Variants in RBFOX2 observed in about 807,000 individuals in gnomAD.
RBFOX2 encodes the protein RNA binding protein fox-1 homolog 2.
In RBFOX2, 10 loss-of-function variants were observed where a neutral mutation model predicts 49.1. That is an observed-to-expected ratio of 0.20 (90% CI 0.13 to 0.35). RBFOX2 has a LOEUF of 0.35. RBFOX2 is among the 10% of genes least tolerant of loss of function. RBFOX2 has a pLI of 1.00. For missense variants in RBFOX2, 323 were observed against 486.9 expected (o/e 0.66, Z 3.17); for synonymous variants, 183 against 187.4 (o/e 0.98, Z 0.19).
intron 1 of RBFOX2, among the ~76,000 whole-genome samples, chr22:35,836,873 C>T (rs1161906257): frequency 6.6e-6 from 1 of 152,184 alleles, no homozygotes; most frequent in Non-Finnish European, 1.5e-5. Context: ...GAATTTTACA[C>T]ATAGTACAAG....
chr22:35,932,442 CTATGT>C (rs764512978), intron 1 of RBFOX2, among the ~76,000 whole-genome samples: 19 of 152,298 alleles, frequency 1.2e-4, no homozygotes, highest in Non-Finnish European at 2.2e-4. Flanking sequence ...CTATAATTGT[CTATGT>C]TATATTTGTC....
intron 1 of RBFOX2, among the ~76,000 whole-genome samples, chr22:35,858,865 T>G (rs2042819550): frequency 6.6e-6 from 1 of 151,306 alleles, no homozygotes; most frequent in Non-Finnish European, 1.5e-5. Context: ...CTAAAACAGT[T>G]TATACAGTAT....
intron 1 of RBFOX2, among the ~76,000 whole-genome samples, chr22:36,016,401 C>T (rs1001255334): frequency 6.6e-6 from 1 of 152,132 alleles, no homozygotes; most frequent in Non-Finnish European, 1.5e-5. Context: ...GGCCACACCA[C>T]CCATCCCTCA....
intron 1 of RBFOX2, among the ~76,000 whole-genome samples, chr22:35,980,520 A>G (rs576792269): frequency 9.1e-4 from 139 of 152,306 alleles, no homozygotes; most frequent in African/African-American, 3.2e-3. Context: ...AATATCTACC[A>G]AAGCACAAAG....
chr22:35,861,513 G>A (rs1190891759), intron 1 of RBFOX2, among the ~76,000 whole-genome samples: 1 of 152,112 alleles, frequency 6.6e-6, no homozygotes, highest in Admixed American at 6.6e-5. Context: ...CTGATTAAAA[G>A]AAGATGGTAA....
intron 1 of RBFOX2, among the ~76,000 whole-genome samples, chr22:35,923,111 T>A (rs2051209377): frequency 6.6e-6 from 1 of 152,156 alleles, no homozygotes; most frequent in Non-Finnish European, 1.5e-5. Context: ...TGTGATAGAT[T>A]TCTGGCATGT....
intron 6 of RBFOX2, among the ~76,000 whole-genome samples, chr22:35,763,573 A>G (rs1334612769): frequency 4.6e-5 from 7 of 152,216 alleles, no homozygotes; most frequent in Admixed American, 6.5e-5. Context: ...ACAAAAACAA[A>G]AATCAATATA....
intron 1 of RBFOX2, among the ~76,000 whole-genome samples, chr22:35,815,462 T>C (rs1166480802): frequency 6.6e-6 from 1 of 152,216 alleles, no homozygotes; most frequent in Non-Finnish European, 1.5e-5. Context: ...GAAGGGTGTA[T>C]TTTTGTTTAT....
intron 1 of RBFOX2, among the ~76,000 whole-genome samples, chr22:35,967,603 A>C (rs566133383): frequency 1.3e-5 from 2 of 152,316 alleles, no homozygotes; most frequent in East Asian, 3.9e-4. Context: ...GTGAATACTA[A>C]CCTTAGCTAA....
chr22:35,788,299 G>A (rs753686678), intron 2 of RBFOX2, among the ~76,000 whole-genome samples: 7 of 152,098 alleles, frequency 4.6e-5, no homozygotes, highest in Non-Finnish European at 8.8e-5. Context: ...AAACACATAC[G>A]ACTCTGATAT....
At chr22:35,952,128 G>A (rs1402084546) in intron 1 of RBFOX2, among the ~76,000 whole-genome samples, 2 of 152,156 alleles carry the variant, frequency 1.3e-5, no homozygotes, top group Non-Finnish European at 2.9e-5. Flanking sequence ...TCAGCACTAA[G>A]TCTGTAACAA....
chr22:35,902,914 C>T (rs181589461), intron 1 of RBFOX2, among the ~76,000 whole-genome samples: 1 of 152,190 alleles, frequency 6.6e-6, no homozygotes, highest in Non-Finnish European at 1.5e-5. Context: ...CCCCAGCCTC[C>T]CAAAATGCAG....
At chr22:36,026,678 T>C (rs1339665046) in intron 1 of RBFOX2, among the ~76,000 whole-genome samples, 1 of 152,160 alleles carries the variant, frequency 6.6e-6, no homozygotes, top group Non-Finnish European at 1.5e-5. Flanking sequence ...TTTTTTGCCA[T>C]GGCCCTGAGC....
intron 1 of RBFOX2, among the ~76,000 whole-genome samples, chr22:35,920,338 C>T (rs2050891261): frequency 6.6e-6 from 1 of 152,198 alleles, no homozygotes; most frequent in African/African-American, 2.4e-5. Context: ...AGCTCAGCCT[C>T]TATGTCAAAA....
At chr22:35,904,239 C>G (rs2048889077) in intron 1 of RBFOX2, among the ~76,000 whole-genome samples, 2 of 152,164 alleles carry the variant, frequency 1.3e-5, no homozygotes, top group African/African-American at 4.8e-5. Context: ...TCTTTCCCCA[C>G]AAGCCCGTAC....
chr22:35,752,832 G>A (rs774116579), intron 9 of RBFOX2, among the ~76,000 whole-genome samples: 17 of 152,142 alleles, frequency 1.1e-4, no homozygotes, highest in Non-Finnish European at 1.9e-4. Flanking sequence ...GAATTAGGGC[G>A]AACTATGCCT....
At chr22:35,880,736 G>C (rs958325885) in intron 1 of RBFOX2, among the ~76,000 whole-genome samples, 2 of 150,194 alleles carry the variant, frequency 1.3e-5, no homozygotes, top group African/African-American at 4.9e-5. Context: ...GATTCACTGT[G>C]AAATTTTAGA....
At position 35,897,255 on chromosome 22, in the gene RBFOX2, G is replaced by A. The variant is rs944868895; in HGVS notation, c.-34+41592C>T. ...AAGACACCAAAACCAAGAGTTGCTCGGGAGGCACTAAATGTTGACGGTCTT... is the reference window on the plus strand; with the variant it reads ...AAGACACCAAAACCAAGAGTTGCTCAGGAGGCACTAAATGTTGACGGTCTT... On this transcript the variant is annotated intron_variant, in intron 1 of 13. Coordinates refer to the RBFOX2 transcript ENST00000359369. 3.6e-5 allele frequency: 53 copies of A among 1,474,102 alleles called. 1 individual carries two copies. The South Asian group carries it at 4.4e-4, about 12-fold the overall frequency. 91.3% of individuals were successfully genotyped at this position (1,474,102 alleles called of 1,614,324 possible).
intron 3 of RBFOX2, 145 bp downstream of exon 4, chr22:35,781,455 T>C: frequency 1.8e-6 from 2 of 1,138,014 alleles, no homozygotes; most frequent in Non-Finnish European, 1.3e-6. Flanking sequence ...AAAAGGCTTC[T>C]AAAGACTGAT....
Sources: allele counts gnomAD v4.1 joint callset (sites outside exome capture counted in the v4.1 genomes callset), GRCh38; gene constraint gnomAD v4.1.1; transcripts MANE v1.5; gene names NCBI Gene and HGNC (gene_info 2026-07-23, HGNC 2026-07-21).